TANC1: variants seen among roughly 807,000 people sequenced by gnomAD.
The protein encoded by TANC1 is tetratricopeptide repeat, ankyrin repeat and coiled-coil containing 1.
In TANC1, 77 loss-of-function variants were observed where a neutral mutation model predicts 149.7. That is an observed-to-expected ratio of 0.51 (90% confidence interval 0.43 to 0.62). TANC1 has a LOEUF of 0.62. Ranked by LOEUF, TANC1 falls within the 20% of genes least tolerant of loss-of-function variation. The pLI, the probability that TANC1 is intolerant of heterozygous loss-of-function variation, is 0.00. For missense variants in TANC1, 1,985 were observed against 2,321.8 expected, an observed-to-expected ratio of 0.85 and a Z score of 2.98; for synonymous variants, 854 against 925.0, an observed-to-expected ratio of 0.92 and a Z score of 1.39.
At chr2:159,158,309 G>T (rs2053644603) in intron 7 of TANC1, among the ~76,000 whole-genome samples, 2 of 152,036 alleles carry the variant, frequency 1.3e-5, no homozygotes, top group African/African-American at 4.8e-5. Flanking sequence ...GCAGTGAGCT[G>T]TCATTGCACC....
chr2:159,104,852 T>C (rs2047003984), intron 4 of TANC1, among the ~76,000 whole-genome samples: 1 of 107,338 alleles, frequency 9.3e-6, no homozygotes, highest in African/African-American at 2.9e-5. Flanking sequence ...CATGAGCCAC[T>C]GCACCCAGCT....
intron 3 of TANC1, among the ~76,000 whole-genome samples, chr2:159,072,628 C>A (rs1363146812): frequency 6.6e-6 from 1 of 152,104 alleles, no homozygotes; most frequent in African/African-American, 2.4e-5. Context: ...ACTAACAAAA[C>A]CCTTAAAAAT....
chr2:159,032,402 G>A (rs1341005360), intron 2 of TANC1, among the ~76,000 whole-genome samples: 1 of 152,132 alleles, frequency 6.6e-6, no homozygotes, highest in African/African-American at 2.4e-5. Flanking sequence ...TAGCCATGTG[G>A]ATATCTCTCC....
At chr2:159,017,393 A>G (rs264618) in intron 2 of TANC1, among the ~76,000 whole-genome samples, 52,277 of 152,048 alleles carry the variant, frequency 0.34, 9,876 homozygotes, top group East Asian at 0.51. Context: ...TGCCAAAAAG[A>G]CATCAGTTTA....
At chr2:159,090,202 A>C (rs2045377115) in intron 3 of TANC1, among the ~76,000 whole-genome samples, 1 of 152,226 alleles carries the variant, frequency 6.6e-6, no homozygotes, top group Admixed American at 6.5e-5. Context: ...TGTAAACATA[A>C]TGTGTGTGCC....
At position 159,001,208 on chromosome 2, in the gene TANC1, T is replaced by C. The variant is rs1029610579; in HGVS notation, c.-16+19T>C. On this transcript the variant is annotated intron_variant, in intron 2 of 26. Coordinates refer to ENST00000263635, the MANE Select transcript of TANC1 (RefSeq NM_033394.3). The surrounding 1 kb of genome is among the most constrained non-coding windows in gnomAD (Gnocchi z 4.3). ...AAAACAGGTAGGTGATGGCTGAGGA[T>C]TGGGGTAGAGTGTGGTATGACTGTG... 2.0e-5 allele frequency: 3 copies of C among 152,262 alleles called. No individual in the cohort carries two copies. The highest frequency in any genetic ancestry group is 4.8e-5 in the African/African-American group (2 of 41,398). 9.4% of individuals were successfully genotyped at this position (152,262 alleles called of 1,614,324 possible).
chr2:159,209,736 G>A (rs2058859462), intron 19 of TANC1, among the ~76,000 whole-genome samples: 1 of 151,752 alleles, frequency 6.6e-6, no homozygotes, highest in African/African-American at 2.4e-5. Flanking sequence ...GCTGAGAAAT[G>A]TGCAGTGTGT....
intron 3 of TANC1, among the ~76,000 whole-genome samples, chr2:159,090,806 A>G (rs2045448582): frequency 6.6e-6 from 1 of 152,214 alleles, no homozygotes; most frequent in African/African-American, 2.4e-5. Flanking sequence ...AAGAGTTAAT[A>G]AATGTCCAGT....
intron 1 of TANC1, among the ~76,000 whole-genome samples, chr2:158,991,919 G>T (rs2035671653): frequency 6.6e-6 from 1 of 152,132 alleles, no homozygotes; most frequent in Admixed American, 6.5e-5. Context: ...ATTCATTCAT[G>T]GGGGTTTTTA....
intron 2 of TANC1, among the ~76,000 whole-genome samples, chr2:159,026,398 C>G (rs776754904): frequency 2.6e-5 from 4 of 152,182 alleles, no homozygotes; most frequent in African/African-American, 9.6e-5. Flanking sequence ...CCTATGTTGC[C>G]CTTTTTTTTG....
chr2:159,122,766 CT>C (rs35478930), intron 4 of TANC1, among the ~76,000 whole-genome samples: 47,730 of 144,030 alleles, frequency 0.33, 7,633 homozygotes, highest in South Asian at 0.41. Flanking sequence ...CTTTTTTCTT[CT>C]TTTTTTTTTT....
chr2:159,037,904 AGCTT>A (rs2040330417), intron 2 of TANC1, among the ~76,000 whole-genome samples: 1 of 152,204 alleles, frequency 6.6e-6, no homozygotes, highest in African/African-American at 2.4e-5. Flanking sequence ...AGTCATTGGT[AGCTT>A]GATGGAGATG....
intron 4 of TANC1, among the ~76,000 whole-genome samples, chr2:159,110,046 A>G (rs1037643126): frequency 6.6e-6 from 1 of 152,248 alleles, no homozygotes; most frequent in African/African-American, 2.4e-5. Flanking sequence ...TCATACCTCA[A>G]ACTGCATAAG....
intron 1 of TANC1, among the ~76,000 whole-genome samples, chr2:158,986,975 G>A (rs1170938060): frequency 2.0e-5 from 3 of 151,676 alleles, no homozygotes; most frequent in Non-Finnish European, 1.5e-5. Flanking sequence ...AACCTGGGAC[G>A]TGGAGAGTGA....
rs2042118015 is a variant in TANC1, at chr2:159,059,931, G to GTGGT, written c.-15-5964_-15-5963insGGTT. Among the ~76,000 whole-genome samples, 3 of 38,674 alleles carry GTGGT rather than the reference G, an allele frequency of 7.8e-5. 1 individual carries two copies. Among genetic ancestry groups the GTGGT allele is most frequent in the Non-Finnish European group, 1.7e-4 (3 of 17,850 alleles). The allele number at this position is 38,674 out of a possible 152,430, so 25.4% of individuals were successfully genotyped here. ...GTGTGTGTGTGTGTGTGTGTGTGTG[G>GTGGT]TTTTTTGTTGTTGTTGTTTTTTTTT... On this transcript the variant is annotated intron_variant, in intron 2 of 26. Transcript: ENST00000263635.
At chr2:159,194,132 G>C (rs2057675979) in intron 16 of TANC1, 125 bp from the exon 17 acceptor site, 3 of 736,800 alleles carry the variant, frequency 4.1e-6, no homozygotes, top group Non-Finnish European at 7.3e-6. Flanking sequence ...AGGTGATACT[G>C]GTGCACATTC....
intron 11 of TANC1, among the ~76,000 whole-genome samples, chr2:159,173,479 C>G (rs58004235): frequency 0.023 from 3,576 of 152,256 alleles, 141 homozygotes; most frequent in African/African-American, 0.081. Context: ...GTGCCAGGCA[C>G]CTATAATCCC....
intron 2 of TANC1, among the ~76,000 whole-genome samples, chr2:159,064,222 G>A (rs1430499224): frequency 6.6e-6 from 1 of 151,876 alleles, no homozygotes; most frequent in African/African-American, 2.4e-5. Context: ...GTTTTCCATC[G>A]GTTCCATATG....
intron 2 of TANC1, among the ~76,000 whole-genome samples, chr2:159,035,796 T>G (rs1451944951): frequency 1.3e-5 from 2 of 152,202 alleles, no homozygotes; most frequent in African/African-American, 4.8e-5. Context: ...AGTGGTGCCT[T>G]TGTAGCTTTA....
Sources: gnomAD v4.1 joint callset for allele counts (sites outside exome capture counted in the v4.1 genomes callset) on GRCh38, gnomAD v4.1.1 for gene constraint, Gnocchi (gnomAD v3.1) non-coding constraint, MANE v1.5 for transcripts, NCBI Gene and HGNC (gene_info 2026-07-23, HGNC 2026-07-21) for gene names.